Variants in LIG1 observed in about 807,000 individuals in gnomAD.
The protein encoded by LIG1 is DNA ligase 1, also known as ligase I, DNA, ATP-dependent.
LIG1 carries 70 observed loss-of-function variants against 115.7 expected under a neutral mutation model. The ratio of observed to expected loss-of-function variants is 0.60; its 90% CI spans 0.50 to 0.74. The LOEUF (loss-of-function observed/expected upper bound fraction) is 0.74, where lower values mean the gene tolerates loss of function less well. LIG1 is among the 30% of genes least tolerant of loss of function. The pLI, the probability that LIG1 is intolerant of heterozygous loss-of-function variation, is 0.00. For synonymous variants in LIG1, 487 were observed against 495.3 expected (o/e 0.98, Z 0.22); for missense variants, 1,115 against 1,225.6 (o/e 0.91, Z 1.35).
Position 48,115,474 on chromosome 19 carries a change from A to C in LIG1, c.*175T>G. On this transcript the variant is annotated 3_prime_UTR_variant, in exon 28 of 28. Coordinates refer to ENST00000263274, the MANE Select transcript of LIG1 (RefSeq NM_000234.3). ...TATCCAATAATTATTTATTGAAAGA[A>C]ATGACGGGATGAATCCCAGACTCCG... 1.6e-6 allele frequency: 1 copy of C among 631,450 alleles called. No individual in the cohort carries two copies. The highest frequency in any genetic ancestry group is 2.8e-5 in the East Asian group (1 of 36,292). 39.1% of individuals were successfully genotyped at this position (631,450 alleles called of 1,614,324 possible).
chr19:48,118,996 G>A, intron 25 of LIG1, 141 bp downstream of exon 25: 1 of 687,796 alleles, frequency 1.5e-6, no homozygotes, highest in South Asian at 1.7e-5. Flanking sequence ...GGACTCCAAA[G>A]CCAGCTCCAC....
At position 48,123,273 on chromosome 19, in the gene LIG1, C is replaced by A; in HGVS notation, c.2050G>T (p.Glu684Ter). ...PLSRRRQLLRENFVETEGEFV... is the reference protein window; with the variant it reads ...PLSRRRQLLR ...TCGCCCTCTGTCTCCACAAAGTTCT[C>A]CCGGAGCAGCTGCCGGCGCCGGGAA... The change falls in exon 22 of 28, where the codon GAG becomes TAG. Residue 684 changes from glutamate to a stop codon, truncating the protein, a stop_gained. Coordinates refer to ENST00000263274, the MANE Select transcript of LIG1 (RefSeq NM_000234.3). LOFTEE classifies it high-confidence loss of function. 6.2e-7 allele frequency: 1 copy of A among 1,614,088 alleles called. No individual in the cohort carries two copies. Among genetic ancestry groups the A allele is most frequent in the Non-Finnish European group, 8.5e-7 (1 of 1,180,026 alleles).
chr19:48,127,874 C>G (rs3731004), intron 20 of LIG1, 36 bp downstream of exon 20: 51,387 of 1,539,970 alleles, frequency 0.033, 972 homozygotes, highest in Non-Finnish European at 0.037. Flanking sequence ...TGAGGAAGTA[C>G]GGGGCCTTGG....
chr19:48,153,805 T>A, intron 6 of LIG1, 67 bp downstream of exon 6: 4 of 231,374 alleles, frequency 1.7e-5, no homozygotes, highest in Admixed American at 6.0e-5. Context: ...TTCCTCCTCC[T>A]CCTTCCTCTT....
intron 6 of LIG1, 108 bp from the exon 7 acceptor site, chr19:48,151,447 G>A (rs2035469547): frequency 3.9e-6 from 3 of 773,612 alleles, no homozygotes; most frequent in Non-Finnish European, 6.9e-6. Flanking sequence ...TCTTTTTTTT[G>A]AGACAGAGTT....
At chr19:48,127,634 CTGTGGGG>C (rs968559759) in intron 20 of LIG1, 7 of 609,464 alleles carry the variant, frequency 1.1e-5, no homozygotes, top group Admixed American at 1.1e-4. Context: ...AAGGGGAAAC[CTGTGGGG>C]TGCAGGTTGT....
chr19:48,138,601 C>T (rs2034547030), intron 12 of LIG1, among the ~76,000 whole-genome samples: 1 of 152,134 alleles, frequency 6.6e-6, no homozygotes, highest in Admixed American at 6.5e-5. Context: ...TCACAACAAA[C>T]CCGGGACTTG....
At chr19:48,159,267 T>G (rs973490157) in intron 4 of LIG1, among the ~76,000 whole-genome samples, 3 of 152,162 alleles carry the variant, frequency 2.0e-5, no homozygotes, top group African/African-American at 7.2e-5. Flanking sequence ...AGATGAGGTT[T>G]CACTATGTTG....
chr19:48,165,739 C>T (rs2036448050), intron 1 of LIG1, 116 bp from the exon 2 acceptor site: 2 of 841,300 alleles, frequency 2.4e-6, no homozygotes, highest in Admixed American at 4.4e-5. Context: ...TGAATTTCCC[C>T]TTCAAAAAGA....
chr19:48,150,373 G>A (rs566804383), intron 7 of LIG1, among the ~76,000 whole-genome samples, 163 bp from the exon 8 acceptor site: 8 of 152,150 alleles, frequency 5.3e-5, no homozygotes, highest in Middle Eastern at 3.4e-3. Flanking sequence ...CAGGCCTGCT[G>A]TCTACTCCTC....
chr19:48,156,961 AAG>A (rs1568544704), intron 5 of LIG1, 51 bp downstream of exon 5: 17 of 1,337,274 alleles, frequency 1.3e-5, no homozygotes, highest in African/African-American at 5.0e-5. Context: ...AAAAAAAAAA[AAG>A]AGAAAAAGAA....
chr19:48,149,075 C>T lies in LIG1; in HGVS notation c.776+688G>A, dbSNP rs113847014. Among the ~76,000 whole-genome samples the T allele has an allele frequency of 3.9e-5, 6 of 152,224 alleles. 1 individual carries two copies. The highest frequency in any genetic ancestry group is 1.4e-4 in the African/African-American group (6 of 41,540). The stretch of plus-strand genomic sequence containing the variant: ...CTGTAATCCCAGCACTTTGGGAGGC[C>T]GAGGTGGGTGGGTCACCTGAGGCTA... On this transcript the variant is annotated intron_variant, in intron 9 of 27. Coordinates refer to ENST00000263274, the MANE Select transcript of LIG1 (RefSeq NM_000234.3).
In LIG1 at chr19:48,147,844, T is replaced by C. The variant is rs186829103; in HGVS notation, c.776+1919A>G. ...CTAGTGAAAAAAAAAAATCTGAAAG[T>C]GCTCATTTAAATTTCTTTCATGGCA... On this transcript the variant is annotated intron_variant, in intron 9 of 27. Transcript: ENST00000263274. Among the ~76,000 whole-genome samples, 4 of 149,264 alleles carry C rather than the reference T, an allele frequency of 2.7e-5. No homozygotes were observed. In the East Asian group the frequency reaches 7.8e-4, roughly 29 times the overall value.
chr19:48,127,437 C>T, intron 20 of LIG1, 89 bp from the exon 21 acceptor site: 1 of 1,156,194 alleles, frequency 8.6e-7, no homozygotes, highest in South Asian at 1.2e-5. Flanking sequence ...TACCGGTCTC[C>T]CTCTCGCCCC....
chr19:48,162,291 A>G lies in LIG1; in HGVS notation c.78T>C (p.Asn26=). 1 of 1,614,030 alleles carries G rather than the reference A, an allele frequency of 6.2e-7. No individual in the cohort carries two copies. The highest frequency in any genetic ancestry group is 8.5e-7 in the Non-Finnish European group (1 of 1,179,936). The stretch of plus-strand genomic sequence containing the variant: ...GAGGGGGCTCCGTCTCTCTGCTGCT[A>G]TTGGATGCCTCCTTCTCAGGCTTCT... ...KAKKPEKEAS[N]SSRETEPPPK... is the part of the protein sequence containing the mutation. Residue 26 remains asparagine, a synonymous_variant, in exon 3 of 28, where the codon AAT becomes AAC. Coordinates refer to ENST00000263274, the MANE Select transcript of LIG1 (RefSeq NM_000234.3).
chr19:48,120,532 T>C, intron 24 of LIG1: 2 of 985,292 alleles, frequency 2.0e-6, no homozygotes, highest in Non-Finnish European at 2.4e-6. Context: ...TAAGAAAATC[T>C]AGTCCAAAAT....
intron 6 of LIG1, among the ~76,000 whole-genome samples, chr19:48,151,603 G>C (rs1224327160): frequency 6.6e-6 from 1 of 151,960 alleles, no homozygotes; most frequent in Non-Finnish European, 1.5e-5. Context: ...CTATTTTTTT[G>C]TATTTTTAGT....
intron 9 of LIG1, among the ~76,000 whole-genome samples, chr19:48,145,054 C>T (rs2035032556): frequency 6.6e-6 from 1 of 152,210 alleles, no homozygotes; most frequent in African/African-American, 2.4e-5. Flanking sequence ...ACTACAGGTG[C>T]AAGCAACCAT....
At chr19:48,167,749 C>G (rs1299342368) in intron 1 of LIG1, among the ~76,000 whole-genome samples, 1 of 151,236 alleles carries the variant, frequency 6.6e-6, no homozygotes, top group Non-Finnish European at 1.5e-5. Context: ...TCACTTGATC[C>G]CAGGAGGCAG....
Sources: allele counts gnomAD v4.1 joint callset (sites outside exome capture counted in the v4.1 genomes callset), GRCh38; gene constraint gnomAD v4.1.1; transcripts MANE v1.5; gene names NCBI Gene and HGNC (gene_info 2026-07-23, HGNC 2026-07-21).